Variants in NTM observed in about 807,000 individuals in gnomAD.
NTM encodes IgLON family member 2.
In NTM, 13 loss-of-function variants were observed where a neutral mutation model predicts 42.1. The observed-to-expected ratio is 0.31, with a 90% confidence interval of 0.20 to 0.49. The LOEUF is 0.49. Among genes scored for constraint, NTM ranks in the 20% least tolerant of loss-of-function variants. The pLI is 0.99. For synonymous variants in NTM, 187 were observed against 179.2 expected (o/e 1.04, Z -0.35); for missense variants, 373 against 452.8 (o/e 0.82, Z 1.60).
intron 2 of NTM, among the ~76,000 whole-genome samples, chr11:132,142,051 A>G (rs1220346556): frequency 6.6e-6 from 1 of 152,176 alleles, no homozygotes; most frequent in Non-Finnish European, 1.5e-5. Context: ...CTGTCCCTCT[A>G]TTCTTCATAT....
At chr11:131,784,545 GAAA>G (rs1170423190) in intron 1 of NTM, among the ~76,000 whole-genome samples, 2 of 152,158 alleles carry the variant, frequency 1.3e-5, no homozygotes, top group African/African-American at 4.8e-5. Flanking sequence ...TAGAATAGGT[GAAA>G]CCAAACTGTA....
chr11:131,493,618 A>G (rs1466025652), intron 1 of NTM, among the ~76,000 whole-genome samples: 2 of 152,224 alleles, frequency 1.3e-5, no homozygotes, highest in African/African-American at 2.4e-5. Context: ...CGTGTATTAC[A>G]TCTGATCTGA....
At chr11:131,726,664 G>A (rs1345705146) in intron 1 of NTM, among the ~76,000 whole-genome samples, 3 of 151,146 alleles carry the variant, frequency 2.0e-5, no homozygotes, top group African/African-American at 4.9e-5. Context: ...TTCCTGCCTT[G>A]TAAATAGGCT....
intron 3 of NTM, among the ~76,000 whole-genome samples, chr11:132,208,898 C>T (rs755954593): frequency 1.4e-4 from 21 of 152,270 alleles, no homozygotes; most frequent in African/African-American, 4.1e-4. Flanking sequence ...AATTACTTAC[C>T]TGCACAGTTG....
At chr11:131,446,432 A>T (rs1185558939) in intron 1 of NTM, among the ~76,000 whole-genome samples, 1 of 152,090 alleles carries the variant, frequency 6.6e-6, no homozygotes, top group Non-Finnish European at 1.5e-5. Flanking sequence ...AAAAGAGCAC[A>T]CTCAGAGTTT....
At chr11:131,957,962 G>A (rs1007821148) in intron 2 of NTM, among the ~76,000 whole-genome samples, 4 of 152,266 alleles carry the variant, frequency 2.6e-5, no homozygotes, top group African/African-American at 7.2e-5. Context: ...GTTGCTGTAG[G>A]AATGGAAGCA....
intron 1 of NTM, among the ~76,000 whole-genome samples, chr11:131,703,025 T>G (rs778905048): frequency 9.8e-5 from 15 of 152,306 alleles, no homozygotes; most frequent in Non-Finnish European, 2.1e-4. Context: ...AATCACTGAT[T>G]AACTATTAGT....
intron 1 of NTM, among the ~76,000 whole-genome samples, chr11:131,489,508 G>A (rs1954541735): frequency 6.6e-6 from 1 of 152,140 alleles, no homozygotes; most frequent in South Asian, 2.1e-4. Flanking sequence ...ATGATTTCCA[G>A]GACTTCTTTT....
chr11:131,466,629 T>G (rs1363677481), intron 1 of NTM, among the ~76,000 whole-genome samples: 3 of 152,194 alleles, frequency 2.0e-5, no homozygotes, highest in Non-Finnish European at 4.4e-5. Flanking sequence ...ACAAGTTATA[T>G]GTATTAATTT....
intron 1 of NTM, among the ~76,000 whole-genome samples, chr11:131,769,847 C>G (rs1406975864): frequency 6.6e-6 from 1 of 152,206 alleles, no homozygotes; most frequent in African/African-American, 2.4e-5. Flanking sequence ...GAGAAACACA[C>G]CAGGAAGCCA....
At chr11:131,502,154 A>G in intron 1 of NTM, among the ~76,000 whole-genome samples, 1 of 152,014 alleles carries the variant, frequency 6.6e-6, no homozygotes, top group African/African-American at 2.4e-5. Context: ...CAACATTCCC[A>G]TGTTGAAATC....
chr11:131,453,535 T>A (rs1382999719), intron 1 of NTM, among the ~76,000 whole-genome samples: 1 of 124,020 alleles, frequency 8.1e-6, no homozygotes, highest in Non-Finnish European at 1.7e-5. Context: ...ACGGAAAGAC[T>A]TTCATTAAAA....
intron 1 of NTM, among the ~76,000 whole-genome samples, chr11:131,491,505 T>C (rs1332517781): frequency 2.0e-5 from 3 of 150,620 alleles, no homozygotes; most frequent in Non-Finnish European, 4.4e-5. Flanking sequence ...AATTGCATAT[T>C]CTTTTCTTAA....
chr11:131,411,419 C>T (rs1946389522), intron 1 of NTM, among the ~76,000 whole-genome samples: 1 of 152,104 alleles, frequency 6.6e-6, no homozygotes, highest in South Asian at 2.1e-4. Flanking sequence ...AATCTACCCT[C>T]AACACTCAAA....
At chr11:131,561,228 T>C (rs976130930) in intron 1 of NTM, among the ~76,000 whole-genome samples, 1 of 152,242 alleles carries the variant, frequency 6.6e-6, no homozygotes, top group Admixed American at 6.5e-5. Flanking sequence ...AAGGCCCATC[T>C]GTTCCAGCAG....
At chr11:132,004,611 CT>C (rs1565928093) in intron 2 of NTM, among the ~76,000 whole-genome samples, 1 of 112,282 alleles carries the variant, frequency 8.9e-6, no homozygotes. Flanking sequence ...CTCTTTCTCT[CT>C]CTCTCTCTCT....
chr11:131,631,411 C>G (rs1327999085), intron 1 of NTM, among the ~76,000 whole-genome samples: 1 of 152,106 alleles, frequency 6.6e-6, no homozygotes, highest in African/African-American at 2.4e-5. Flanking sequence ...TAGAAATTAT[C>G]AAAGCAAGGT....
rs146382266 is a variant in NTM at position 132,302,915 on chromosome 11, G to C, written c.527-4774G>C. Among the ~76,000 whole-genome samples, 16 of 152,282 alleles carry C rather than the reference G, an allele frequency of 1.1e-4. No individual in the cohort carries two copies. The East Asian group carries it at 3.1e-3, about 29-fold the overall frequency. On this transcript the variant is annotated intron_variant, in intron 4 of 8. Coordinates refer to ENST00000683400, the MANE Select transcript of NTM (RefSeq NM_001352005.2). ...CTTGCCTATTTGTGAGAATTTCCTA[G>C]GAAGATTATGCAAGCACCTCATCCC... is the stretch of plus-strand genomic sequence containing the variant.
At chr11:131,945,846 T>C (rs2060281231) in intron 2 of NTM, among the ~76,000 whole-genome samples, 1 of 152,178 alleles carries the variant, frequency 6.6e-6, no homozygotes, top group African/African-American at 2.4e-5. Flanking sequence ...GACACAAGTA[T>C]TAAAATGAAT....
Sources: allele counts gnomAD v4.1 joint callset (sites outside exome capture counted in the v4.1 genomes callset), GRCh38; gene constraint gnomAD v4.1.1; transcripts MANE v1.5; gene names NCBI Gene and HGNC (gene_info 2026-07-23, HGNC 2026-07-21).